The following FAM228B variants were observed in gnomAD, a reference collection of about 807,000 sequenced individuals.
FAM228B encodes family with sequence similarity 228 member B.
FAM228B carries 38 observed loss-of-function variants against 42.6 expected under a neutral mutation model. The observed-to-expected ratio is 0.89, with a 90% CI of 0.69 to 1.17. FAM228B has a LOEUF of 1.17. Among genes scored for constraint, FAM228B ranks in the 50% most tolerant of loss-of-function variants. The pLI is 0.00. For synonymous variants in FAM228B, 109 were observed against 122.3 expected (o/e 0.89, Z 0.72); for missense variants, 344 against 367.3 (o/e 0.94, Z 0.52).
At chr2:24,163,383 G>A (rs779436849) in intron 8 of FAM228B, among the ~76,000 whole-genome samples, 1 of 152,172 alleles carries the variant, frequency 6.6e-6, no homozygotes, top group Non-Finnish European at 1.5e-5. Flanking sequence ...TGGCCAACAT[G>A]GGCTCATTGT....
intron 2 of FAM228B, among the ~76,000 whole-genome samples, chr2:24,132,405 C>A (rs577162828): frequency 3.4e-5 from 5 of 148,874 alleles, no homozygotes; most frequent in African/African-American, 1.2e-4. Context: ...AGGAATGGTA[C>A]GAGCCCTTCT....
intron 2 of FAM228B, among the ~76,000 whole-genome samples, chr2:24,091,388 G>A (rs1015926855): frequency 6.6e-6 from 1 of 151,822 alleles, no homozygotes; most frequent in African/African-American, 2.4e-5. Flanking sequence ...AGCCGAGATC[G>A]CCACTGCACT....
intron 2 of FAM228B, among the ~76,000 whole-genome samples, chr2:24,082,567 A>G (rs1665050459): frequency 6.6e-6 from 1 of 152,182 alleles, no homozygotes; most frequent in South Asian, 2.1e-4. Context: ...AGGAGGAATA[A>G]ATGAGTCAAT....
intron 3 of FAM228B, among the ~76,000 whole-genome samples, chr2:24,103,940 C>T (rs983770399): frequency 5.3e-5 from 8 of 152,216 alleles, no homozygotes; most frequent in Middle Eastern, 3.4e-3. Context: ...CAAGATGGGA[C>T]GATTGAGATG....
At chr2:24,094,639 C>T (rs1665460525) in intron 2 of FAM228B, among the ~76,000 whole-genome samples, 1 of 152,070 alleles carries the variant, frequency 6.6e-6, no homozygotes, top group African/African-American at 2.4e-5. Context: ...CACATGACAC[C>T]ATGCCTGGCT....
chr2:24,137,016 C>A (rs1171900593), intron 3 of FAM228B, among the ~76,000 whole-genome samples: 2 of 152,134 alleles, frequency 1.3e-5, no homozygotes, highest in East Asian at 3.8e-4. Flanking sequence ...ATGTGGAATC[C>A]TGTACTATTT....
intron 2 of FAM228B, chr2:24,083,218 C>T (rs1190504242): frequency 6.7e-7 from 1 of 1,481,878 alleles, no homozygotes; most frequent in Non-Finnish European, 9.0e-7. Context: ...TACCCCTGGC[C>T]CCCCTTCCAA....
At chr2:24,106,523 T>C (rs573309773) in intron 3 of FAM228B, among the ~76,000 whole-genome samples, 31 of 152,088 alleles carry the variant, frequency 2.0e-4, no homozygotes, top group Admixed American at 9.2e-4. Context: ...TTTTGCTGTG[T>C]TGGCCAGGCT....
chr2:24,122,568 GA>G, upstream of FAM228B: 3 of 1,459,266 alleles, frequency 2.1e-6, no homozygotes, highest in Non-Finnish European at 2.9e-6. Context: ...AAGTGCAGTT[GA>G]AGCCATTGAC....
At chr2:24,160,190 G>A (rs147688469) in intron 7 of FAM228B, among the ~76,000 whole-genome samples, 3,487 of 151,946 alleles carry the variant, frequency 0.023, 138 homozygotes, top group African/African-American at 0.079. Flanking sequence ...AGGTTTCACC[G>A]TGTTGACCAG....
chr2:24,167,105 C>G (rs1348285508), intron 9 of FAM228B, among the ~76,000 whole-genome samples: 1 of 152,108 alleles, frequency 6.6e-6, no homozygotes, highest in Non-Finnish European at 1.5e-5. Context: ...CAGCATTGTA[C>G]AAAGAACATG....
upstream of FAM228B, chr2:24,122,787 C>T (rs1666162109): frequency 2.9e-6 from 1 of 349,370 alleles, no homozygotes; most frequent in Non-Finnish European, 5.1e-6. Context: ...TGGAAAATCA[C>T]AGCCTGGTGA....
chr2:24,097,768 C>T (rs576527071), intron 3 of FAM228B, among the ~76,000 whole-genome samples: 1 of 152,276 alleles, frequency 6.6e-6, no homozygotes, highest in South Asian at 2.1e-4. Context: ...GAACTCAGCC[C>T]TGCAACAAGC....
At position 24,090,084 on chromosome 2, in the gene FAM228B, T is replaced by C. The variant is rs537533135; in HGVS notation, c.-209-5057T>C. Among the ~76,000 whole-genome samples, 6 of 151,126 alleles carry C rather than the reference T, an allele frequency of 4.0e-5. No individual in the cohort carries two copies. The South Asian group carries it at 6.3e-4, about 16-fold the overall frequency. ...GTCAGGAGATGGAGACCATCCTGGCTAACATGGTGTATTTCTCTACTAAAA... is the reference window on the plus strand; with the variant it reads ...GTCAGGAGATGGAGACCATCCTGGCCAACATGGTGTATTTCTCTACTAAAA... On this transcript the variant is annotated intron_variant, in intron 2 of 10. Coordinates refer to the FAM228B transcript ENST00000613899.
At chr2:24,139,025 CTTGA>C (rs1666684385) in intron 4 of FAM228B, among the ~76,000 whole-genome samples, 2 of 151,502 alleles carry the variant, frequency 1.3e-5, no homozygotes, top group African/African-American at 4.8e-5. Context: ...TGTTCTGGAA[CTTGA>C]TTATTTGCGA....
rs1188966322 is a variant in FAM228B, at chr2:24,147,034, TG to T, written c.636del (p.Trp212CysfsTer2). On this transcript the variant is annotated frameshift_variant, in exon 7 of 11. Transcript: ENST00000615575. LOFTEE classifies it high-confidence loss of function. ...NSRHFITPNE[W>X]LKLPTRYIES... is the part of the protein sequence containing the mutation. ...AAGGCACTTTATAACTCCAAACGAG[TG>T]GCTGAAACTGCCTACAAGATACATA... 2.6e-6 allele frequency: 4 copies of T among 1,551,250 alleles called. No individual in the cohort carries two copies. In the African/African-American group the frequency reaches 5.5e-5, roughly 21 times the overall value.
intron 3 of FAM228B, among the ~76,000 whole-genome samples, chr2:24,136,156 G>A (rs1005006442): frequency 6.8e-6 from 1 of 147,014 alleles, no homozygotes; most frequent in Non-Finnish European, 1.5e-5. Flanking sequence ...TGGCCTCCTG[G>A]GCTCAAGTGA....
At chr2:24,123,957 C>G (rs1464205526) in intron 1 of FAM228B, among the ~76,000 whole-genome samples, 1 of 152,176 alleles carries the variant, frequency 6.6e-6, no homozygotes, top group African/African-American at 2.4e-5. Context: ...AGCAGCTCAG[C>G]CTGTGTTTCT....
chr2:24,121,451 C>A (rs1026949694), upstream of FAM228B: 2 of 663,924 alleles, frequency 3.0e-6, no homozygotes, highest in Non-Finnish European at 5.0e-6. Context: ...AAGAATAACA[C>A]TTCGTGACAC....
Sources: allele counts gnomAD v4.1 joint callset (sites outside exome capture counted in the v4.1 genomes callset), GRCh38; gene constraint gnomAD v4.1.1; transcripts MANE v1.5; gene names NCBI Gene and HGNC (gene_info 2026-07-23, HGNC 2026-07-21).